ZNF92: variants seen among roughly 807,000 people sequenced by gnomAD.
ZNF92 encodes zinc finger protein 92, also known as epididymis luminal protein 203.
A neutral mutation model predicts 12.4 loss-of-function variants in ZNF92; 11 were observed. That is an observed-to-expected ratio of 0.89 (90% CI 0.56 to 1.47). The LOEUF (loss-of-function observed/expected upper bound fraction) is 1.47. ZNF92 is among the 40% of genes most tolerant of loss of function. The pLI is 0.00. For missense variants in ZNF92, 622 were observed against 681.0 expected (o/e 0.91, Z 0.96); for synonymous variants, 206 against 228.6 (o/e 0.90, Z 0.89).
intron 1 of ZNF92, among the ~76,000 whole-genome samples, chr7:65,387,008 C>T (rs916938870): frequency 2.7e-5 from 4 of 147,642 alleles, no homozygotes; most frequent in Admixed American, 6.9e-5. Flanking sequence ...GGCGCAATCT[C>T]GGCTCACTGC....
chr7:65,390,264 G>A (rs17139528), intron 3 of ZNF92, among the ~76,000 whole-genome samples: 1 of 151,830 alleles, frequency 6.6e-6, no homozygotes, highest in East Asian at 1.9e-4. Context: ...TGTCTTCAAT[G>A]TCAATGGCTT....
intron 1 of ZNF92, among the ~76,000 whole-genome samples, chr7:65,378,235 T>C (rs1050827965): frequency 6.6e-6 from 1 of 150,660 alleles, no homozygotes; most frequent in East Asian, 2.0e-4. Context: ...GAGATGGAGG[T>C]TGCAGTGAAC....
chr7:65,381,577 C>G (rs1793422065), intron 1 of ZNF92, among the ~76,000 whole-genome samples: 1 of 151,868 alleles, frequency 6.6e-6, no homozygotes, highest in Non-Finnish European at 1.5e-5. Flanking sequence ...GTGGCGATTG[C>G]TTTTGGTATC....
chr7:65,398,892 GAAGA>G lies in ZNF92; in HGVS notation c.780_783del (p.Glu260AspfsTer73). 1 of 1,613,182 alleles carries G rather than the reference GAAGA, an allele frequency of 6.2e-7. No homozygotes were observed. Among genetic ancestry groups the G allele is most frequent in the Non-Finnish European group, 8.5e-7 (1 of 1,179,770 alleles). On this transcript the variant is annotated frameshift_variant, in exon 4 of 4. Transcript: ENST00000328747. LOFTEE classifies it low-confidence loss of function (END_TRUNC). ...TACTGGAGAGAAACCCTACAAATGT[GAAGA>G]ATGTGGCAAAGCTTTTAACCGGTCC...
intron 3 of ZNF92, among the ~76,000 whole-genome samples, chr7:65,396,184 T>G (rs967504089): frequency 2.0e-5 from 3 of 152,134 alleles, no homozygotes; most frequent in Non-Finnish European, 4.4e-5. Context: ...AGTCCTGGGA[T>G]TACATTTCTT....
At chr7:65,390,433 TTTG>T (rs1476548327) in intron 3 of ZNF92, among the ~76,000 whole-genome samples, 2 of 152,142 alleles carry the variant, frequency 1.3e-5, no homozygotes. Flanking sequence ...GTAAAGATCT[TTTG>T]TTGGGTTCCC....
At chr7:65,389,313 G>T (rs999291221) in intron 3 of ZNF92, among the ~76,000 whole-genome samples, 1 of 151,916 alleles carries the variant, frequency 6.6e-6, no homozygotes, top group African/African-American at 2.4e-5. Flanking sequence ...TAGTTTCTGG[G>T]AAGCCTGAAA....
At chr7:65,381,491 C>A (rs1364275774) in intron 1 of ZNF92, among the ~76,000 whole-genome samples, 1 of 151,618 alleles carries the variant, frequency 6.6e-6, no homozygotes, top group Non-Finnish European at 1.5e-5. Flanking sequence ...TTGATAGTTT[C>A]TTGTGGGTTT....
At chr7:65,387,115 A>G (rs1793589462) in intron 1 of ZNF92, among the ~76,000 whole-genome samples, 1 of 150,064 alleles carries the variant, frequency 6.7e-6, no homozygotes, top group Admixed American at 6.7e-5. Flanking sequence ...AATTTTTTGT[A>G]TTTTTAGTAG....
At position 65,398,971 on chromosome 7, in the gene ZNF92, A is replaced by G; in HGVS notation, c.857A>G (p.Lys286Arg). 6.2e-7 allele frequency: 1 copy of G among 1,613,470 alleles called. No homozygotes were observed. The highest frequency in any genetic ancestry group is 1.3e-5 in the African/African-American group (1 of 74,986). The change falls in exon 4 of 4, where the codon AAA (lysine) becomes AGA (arginine). Residue 286 changes from lysine (K) to arginine (R), a missense_variant. Lys to Arg is a conservative substitution (Grantham distance 26). Coordinates refer to ENST00000328747, the MANE Select transcript of ZNF92 (RefSeq NM_152626.4). ...KRIHTEEKPY[K>R]CEECGKAFNQ... ...ATTCATACAGAAGAGAAACCCTACA[A>G]ATGTGAAGAATGTGGCAAGGCCTTT...
intron 1 of ZNF92, among the ~76,000 whole-genome samples, chr7:65,379,157 A>G (rs1259440366): frequency 2.6e-5 from 4 of 152,144 alleles, no homozygotes. Context: ...GCAGTAGCTA[A>G]GAAGAATAGA....
chr7:65,398,359 C>T lies in ZNF92; in HGVS notation c.245C>T (p.Ala82Val), dbSNP rs747967528. 3.2e-6 allele frequency: 5 copies of T among 1,555,026 alleles called. No homozygotes were observed. The Admixed American group carries it at 6.2e-5, about 19-fold the overall frequency. ...DKTPVMCSHF[A>V]QDVWPEHSIK... Reference sequence around the variant, plus strand: ...TTTTCAGTTATGTGTTCTCATTTTGCCCAAGATGTTTGGCCAGAGCACAGC... The same window carrying T: ...TTTTCAGTTATGTGTTCTCATTTTGTCCAAGATGTTTGGCCAGAGCACAGC... Residue 82 changes from alanine (A) to valine (V), a missense_variant, in exon 4 of 4, where the codon GCC (alanine) becomes GTC (valine). Physicochemically the swap from Ala to Val is moderately conservative, Grantham distance 64 (BLOSUM62 0). Coordinates refer to ENST00000328747, the MANE Select transcript of ZNF92 (RefSeq NM_152626.4).
intron 1 of ZNF92, among the ~76,000 whole-genome samples, chr7:65,374,260 C>T (rs576853270): frequency 6.6e-6 from 1 of 152,276 alleles, no homozygotes; most frequent in East Asian, 1.9e-4. Flanking sequence ...CAGCTCTGCA[C>T]CCGCAGCGTC....
chr7:65,396,258 A>C (rs1461146298), intron 3 of ZNF92, among the ~76,000 whole-genome samples: 1 of 151,894 alleles, frequency 6.6e-6, no homozygotes, highest in African/African-American at 2.4e-5. Context: ...TACCAGTTTC[A>C]TTGTTATTGT....
At position 65,399,543 on chromosome 7, in the gene ZNF92, A is replaced by G. The variant is rs148018551; in HGVS notation, c.1429A>G (p.Arg477Gly). 2 of 1,602,222 alleles carry G rather than the reference A, an allele frequency of 1.2e-6. No individual in the cohort carries two copies. Among genetic ancestry groups the G allele is most frequent in the Non-Finnish European group, 1.7e-6 (2 of 1,174,562 alleles). ...TLTKHKIIHT[R>G]EKPYKCEECG... ...TACTAAACATAAAATAATTCATACT[A>G]GAGAAAAACCCTACAAATGTGAAGA... The change falls in exon 4 of 4, where the codon AGA becomes GGA. Residue 477 changes from arginine (R) to glycine (G), a missense_variant. Physicochemically the swap from Arg to Gly is moderately radical, Grantham distance 125. Coordinates refer to ENST00000328747, the MANE Select transcript of ZNF92 (RefSeq NM_152626.4).
chr7:65,384,858 A>G (rs80253145), intron 1 of ZNF92, among the ~76,000 whole-genome samples: 5,636 of 152,242 alleles, frequency 0.037, 182 homozygotes, highest in East Asian at 0.15. Flanking sequence ...TATTCCTAGC[A>G]GTACTCTGTA....
chr7:65,379,802 C>T (rs2116341995), intron 1 of ZNF92, among the ~76,000 whole-genome samples: 1 of 152,216 alleles, frequency 6.6e-6, no homozygotes, highest in African/African-American at 2.4e-5. Context: ...AGGACAGCCC[C>T]ACGCCACTAT....
intron 1 of ZNF92, among the ~76,000 whole-genome samples, chr7:65,386,132 G>C (rs1226736559): frequency 6.6e-6 from 1 of 152,018 alleles, no homozygotes; most frequent in Non-Finnish European, 1.5e-5. Context: ...CAATTCTCCT[G>C]CCTCAGCCTC....
chr7:65,374,088 C>T (rs890923290), intron 1 of ZNF92, 88 bp downstream of exon 1: 18 of 1,571,830 alleles, frequency 1.1e-5, no homozygotes, highest in Non-Finnish European at 1.4e-5. Flanking sequence ...TCGGGCCTTC[C>T]CGCAGTCGGC....
Sources: allele counts gnomAD v4.1 joint callset (sites outside exome capture counted in the v4.1 genomes callset), GRCh38; gene constraint gnomAD v4.1.1; transcripts MANE v1.5; gene names NCBI Gene and HGNC (gene_info 2026-07-23, HGNC 2026-07-21).